DNM1L: variants seen among roughly 807,000 people sequenced by gnomAD.
The protein encoded by DNM1L is dynamin-1-like protein.
DNM1L carries 33 observed loss-of-function variants against 92.8 expected under a neutral mutation model. That is an observed-to-expected ratio of 0.36 (90% CI 0.27 to 0.48). The LOEUF is 0.48. DNM1L is among the 20% of genes least tolerant of loss of function. DNM1L has a pLI of 0.99. For synonymous variants in DNM1L, 284 were observed against 305.0 expected (o/e 0.93, Z 0.72); for missense variants, 485 against 888.8 (o/e 0.55, Z 5.78).
chr12:32,687,149 T>A (rs746621153), intron 1 of DNM1L, among the ~76,000 whole-genome samples: 10 of 149,938 alleles, frequency 6.7e-5, no homozygotes, highest in Non-Finnish European at 1.2e-4. Context: ...AAGGCTAATT[T>A]ATCTTTTTTT....
At chr12:32,739,798 C>T (rs1385978133) in intron 16 of DNM1L, 1 of 413,792 alleles carries the variant, frequency 2.4e-6, no homozygotes, top group Non-Finnish European at 4.4e-6. Flanking sequence ...GAAAAGTTAG[C>T]GAATGATAAA....
intron 9 of DNM1L, chr12:32,727,238 A>T: frequency 2.8e-6 from 4 of 1,438,864 alleles, no homozygotes; most frequent in Middle Eastern, 2.4e-4. Context: ...GATAGAGAAC[A>T]GCATACTTCC....
intron 12 of DNM1L, chr12:32,732,502 T>C (rs1390741931): frequency 2.2e-6 from 1 of 455,526 alleles, no homozygotes; most frequent in Non-Finnish European, 4.4e-6. Flanking sequence ...GTTGGCTGGG[T>C]TTTTTGTTTT....
chr12:32,706,025 C>CA, intron 2 of DNM1L: 1 of 535,260 alleles, frequency 1.9e-6, no homozygotes, highest in Non-Finnish European at 3.1e-6. Flanking sequence ...TTTGGCATTG[C>CA]ATCAAAATGC....
chr12:32,708,202 A>C lies in DNM1L; in HGVS notation c.347A>C (p.Glu116Ala). 6.2e-7 allele frequency: 1 copy of C among 1,603,328 alleles called. No individual in the cohort carries two copies. Among genetic ancestry groups the C allele is most frequent in the Non-Finnish European group, 8.5e-7 (1 of 1,170,884 alleles). Residue 116 changes from glutamate to alanine, a missense_variant, in exon 4 of 20, where the codon GAA becomes GCA. By Grantham distance (107) the Glu-to-Ala change is moderately radical. Around this residue, in one of 11 missense-constraint regions of DNM1L, gnomAD observed 159 missense variants for 275.9 expected, o/e 0.58. Transcript: ENST00000549701. ...EIRQEIENET[E>A]RISGNNKGVS... ...CGACAAGAAATTGAAAATGAAACAG[A>C]AAGAATTTCAGGAAATAATAAGGTA...
At position 32,722,505 on chromosome 12, in the gene DNM1L, T is replaced by C; in HGVS notation, c.951T>C (p.Ser317=). The C allele has an allele frequency of 6.2e-7, 1 of 1,613,502 alleles. No homozygotes were observed. The highest frequency in any genetic ancestry group is 8.5e-7 in the Non-Finnish European group (1 of 1,179,978). The change falls in exon 9 of 20, where the codon TCT becomes TCC. Residue 317 remains serine, a synonymous_variant. Transcript: ENST00000549701. ...ATGTTCTAGCTGCTCAGTATCAGTCTCTTCTAAATAGCTACGGTGAACCCG... is the reference window on the plus strand; with the variant it reads ...ATGTTCTAGCTGCTCAGTATCAGTCCCTTCTAAATAGCTACGGTGAACCCG... ...RINVLAAQYQ[S]LLNSYGEPVD...
chr12:32,712,649 C>CAAAAAAAAAAAA (rs59906286), intron 5 of DNM1L, among the ~76,000 whole-genome samples: 3 of 29,790 alleles, frequency 1.0e-4, no homozygotes, highest in Non-Finnish European at 1.9e-4. Context: ...GACCCTGTCT[C>CAAAAAAAAAAAA]AAAAAAAAAA....
chr12:32,718,883 T>A, intron 7 of DNM1L, 120 bp downstream of exon 7: 1 of 1,337,712 alleles, frequency 7.5e-7, no homozygotes, highest in South Asian at 1.2e-5. Context: ...TGTACTATAT[T>A]TTTTCTCCCT....
chr12:32,744,146 T>C lies in DNM1L; in HGVS notation c.*736T>C, dbSNP rs1297880887. On this transcript the variant is annotated 3_prime_UTR_variant, in exon 20 of 20. Transcript: ENST00000549701. Reference sequence around the variant, plus strand: ...ATTAAAAACAGCCATCTACCCTTGATTATCTAGAAAGACTTGGTAATGATG... The same window carrying C: ...ATTAAAAACAGCCATCTACCCTTGACTATCTAGAAAGACTTGGTAATGATG... The C allele has an allele frequency of 2.6e-5, 4 of 152,258 alleles. No individual in the cohort carries two copies. The highest frequency in any genetic ancestry group is 9.6e-5 in the African/African-American group (4 of 41,462). 9.4% of individuals were successfully genotyped at this position (152,258 alleles called of 1,614,324 possible).
chr12:32,733,953 T>C (rs1954719390), intron 13 of DNM1L, 146 bp downstream of exon 13: 1 of 694,244 alleles, frequency 1.4e-6, no homozygotes, highest in South Asian at 1.7e-5. Flanking sequence ...GCTGAGGGGA[T>C]TACATTGTTT....
Position 32,731,207 on chromosome 12 carries a change from T to C in DNM1L, c.1200+73T>C. 2 of 1,602,964 alleles carry C rather than the reference T, an allele frequency of 1.2e-6. No homozygotes were observed. Among genetic ancestry groups the C allele is most frequent in the Non-Finnish European group, 1.7e-6 (2 of 1,173,724 alleles). On this transcript the variant is annotated intron_variant, in intron 10 of 19. Coordinates refer to ENST00000549701, the MANE Select transcript of DNM1L (RefSeq NM_012062.5). The surrounding 1 kb of genome is among the most constrained non-coding windows in gnomAD (Gnocchi z 5.1). ...TTTTTCTTACCCATATACTGTGTCTTTTTAAATTTAATTATACAGTTTATT... is the reference window on the plus strand; with the variant it reads ...TTTTTCTTACCCATATACTGTGTCTCTTTAAATTTAATTATACAGTTTATT...
At chr12:32,722,752 T>TA (rs1437539880) in intron 9 of DNM1L, 119 bp downstream of exon 9, 2 of 779,214 alleles carry the variant, frequency 2.6e-6, no homozygotes, top group Admixed American at 2.3e-5. Context: ...AAAACAAAAA[T>TA]ATAACTTTGT....
chr12:32,686,928 C>CTTT (rs1432118973), intron 1 of DNM1L, among the ~76,000 whole-genome samples: 3 of 121,640 alleles, frequency 2.5e-5, no homozygotes, highest in African/African-American at 3.6e-5. Flanking sequence ...TGTAAGAGTT[C>CTTT]TTTTTTTTCT....
At chr12:32,680,575 A>G (rs533521705) in intron 1 of DNM1L, among the ~76,000 whole-genome samples, 75 of 152,290 alleles carry the variant, frequency 4.9e-4, no homozygotes, top group African/African-American at 1.8e-3. Flanking sequence ...ATTGTTTTAG[A>G]AACACATTTC....
At chr12:32,701,815 C>T (rs1247936616) in intron 2 of DNM1L, among the ~76,000 whole-genome samples, 1 of 151,796 alleles carries the variant, frequency 6.6e-6, no homozygotes, top group Non-Finnish European at 1.5e-5. Context: ...GCAACCTCCA[C>T]CTACTGGGTT....
chr12:32,687,431 C>G (rs1024150523), intron 1 of DNM1L, among the ~76,000 whole-genome samples: 2 of 149,942 alleles, frequency 1.3e-5, no homozygotes, highest in African/African-American at 5.0e-5. Flanking sequence ...TGTTGAAAAT[C>G]AGTTGAGCAA....
intron 1 of DNM1L, among the ~76,000 whole-genome samples, chr12:32,700,082 C>A (rs1228847353): frequency 6.6e-6 from 1 of 152,080 alleles, no homozygotes; most frequent in Non-Finnish European, 1.5e-5. Context: ...AAATGCTTAT[C>A]AGTTCGGGTT....
At position 32,733,813 on chromosome 12, in the gene DNM1L, T is replaced by C; in HGVS notation, c.1539+6T>C. The C allele has an allele frequency of 6.2e-6, 10 of 1,611,550 alleles. No individual in the cohort carries two copies. Among genetic ancestry groups the C allele is most frequent in the Non-Finnish European group, 8.5e-6 (10 of 1,177,880 alleles). On this transcript the variant is annotated splice_donor_region_variant and intron_variant, in intron 13 of 19. Transcript: ENST00000549701. ...TAATGAACAATAATATAGAGGTAAA[T>C]ATAATTCTTAAATGCTTTTTCACAG...
Position 32,718,022 on chromosome 12 carries a change from T to TATA in DNM1L, c.620-621_620-620insATA, listed in dbSNP as rs1592626666. Among the ~76,000 whole-genome samples, 3 of 124,096 alleles carry TATA rather than the reference T, an allele frequency of 2.4e-5. No homozygotes were observed. In the South Asian group the frequency reaches 7.7e-4, roughly 32 times the overall value. The allele number at this position is 124,096 out of a possible 152,430, so 81.4% of individuals were successfully genotyped here. ...ATATATAATATATATAGTATATATA[T>TATA]TATAAATATATACTATACATACTAT... On this transcript the variant is annotated intron_variant, in intron 6 of 19. Transcript: ENST00000549701.
Sources: allele counts gnomAD v4.1 joint callset (sites outside exome capture counted in the v4.1 genomes callset), GRCh38; gene constraint gnomAD v4.1.1; regional missense constraint gnomAD v4.1.1; non-coding constraint Gnocchi (gnomAD v3.1); transcripts MANE v1.5; gene names NCBI Gene and HGNC (gene_info 2026-07-23, HGNC 2026-07-21).